The following SLC5A12 variants were observed in gnomAD, a reference collection of about 807,000 sequenced individuals.
SLC5A12 encodes solute carrier family 5 member 12.
Under a neutral mutation model 72.7 loss-of-function variants are expected in SLC5A12, and 46 were observed. That is an observed-to-expected ratio of 0.63 (90% CI 0.50 to 0.81). The LOEUF (loss-of-function observed/expected upper bound fraction) is 0.81. Ranked by LOEUF, SLC5A12 falls within the 30% of genes least tolerant of loss-of-function variation. The pLI, the probability that SLC5A12 is intolerant of heterozygous loss-of-function variation, is 0.00. For synonymous variants in SLC5A12, 275 were observed against 264.4 expected, an observed-to-expected ratio of 1.04 and a Z score of -0.39; for missense variants, 683 against 740.7, an observed-to-expected ratio of 0.92 and a Z score of 0.90.
chr11:26,698,056 C>A (rs550351088), intron 7 of SLC5A12, among the ~76,000 whole-genome samples: 1 of 152,096 alleles, frequency 6.6e-6, no homozygotes, highest in East Asian at 1.9e-4. Flanking sequence ...CGCCACCTTG[C>A]CTGGCTAATT....
intron 4 of SLC5A12, 117 bp from the exon 5 acceptor site, chr11:26,704,064 GAGGATCTTTT>G: frequency 1.8e-6 from 2 of 1,113,248 alleles, no homozygotes; most frequent in Admixed American, 2.1e-5. Flanking sequence ...ATCAGCCACT[GAGGATCTTTT>G]ATGTGCCAAG....
At chr11:26,673,172 C>A (rs1221811316) in intron 14 of SLC5A12, among the ~76,000 whole-genome samples, 1 of 152,162 alleles carries the variant, frequency 6.6e-6, no homozygotes, top group Non-Finnish European at 1.5e-5. Context: ...TGAAAACTGA[C>A]CACCTGCAAT....
intron 1 of SLC5A12, among the ~76,000 whole-genome samples, chr11:26,718,863 A>G (rs1197193426): frequency 6.6e-6 from 1 of 152,196 alleles, no homozygotes; most frequent in Non-Finnish European, 1.5e-5. Flanking sequence ...AAATAACCTT[A>G]TATCTACTTT....
chr11:26,689,768 C>T (rs936427701), intron 9 of SLC5A12, among the ~76,000 whole-genome samples: 1 of 151,986 alleles, frequency 6.6e-6, no homozygotes, highest in East Asian at 1.9e-4. Flanking sequence ...CCACAATTTG[C>T]TTTTAAATGT....
At chr11:26,679,938 G>A (rs1590709388) in intron 12 of SLC5A12, among the ~76,000 whole-genome samples, 1 of 151,964 alleles carries the variant, frequency 6.6e-6, no homozygotes, top group South Asian at 2.1e-4. Flanking sequence ...ATAGAAAAAT[G>A]GAGGAAATAA....
At chr11:26,690,155 T>C (rs1854631859) in intron 9 of SLC5A12, among the ~76,000 whole-genome samples, 1 of 152,146 alleles carries the variant, frequency 6.6e-6, no homozygotes, top group Admixed American at 6.6e-5. Context: ...TGCAATCCCA[T>C]GGGATGGGGA....
intron 10 of SLC5A12, among the ~76,000 whole-genome samples, chr11:26,684,625 GATACTC>G (rs1854487433): frequency 6.6e-6 from 1 of 152,020 alleles, no homozygotes; most frequent in Admixed American, 6.6e-5. Flanking sequence ...GTGGGCCCAG[GATACTC>G]ATCTGAACTA....
In SLC5A12 at chr11:26,692,485, C is replaced by G; in HGVS notation, c.1153+4G>C. On this transcript the variant is annotated splice_donor_region_variant and intron_variant, in intron 9 of 14. Transcript: ENST00000396005. ...GGAATAGAAAGTCCACCAGCTGTAC[C>G]TACATAAGCCTTTACTGATCCAGGT... is the stretch of plus-strand genomic sequence containing the variant. 6.3e-7 allele frequency: 1 copy of G among 1,590,912 alleles called. No individual in the cohort carries two copies. Among genetic ancestry groups the G allele is most frequent in the Non-Finnish European group, 8.6e-7 (1 of 1,158,870 alleles).
chr11:26,712,916 G>A (rs1163697205), intron 1 of SLC5A12, among the ~76,000 whole-genome samples: 1 of 152,106 alleles, frequency 6.6e-6, no homozygotes, highest in African/African-American at 2.4e-5. Flanking sequence ...TGTTTCTCAT[G>A]ATGATCAGAG....
At chr11:26,680,394 CATATAT>C (rs34989102) in intron 12 of SLC5A12, among the ~76,000 whole-genome samples, 2 of 76,110 alleles carry the variant, frequency 2.6e-5, no homozygotes, top group Non-Finnish European at 5.8e-5. Context: ...TATATATATT[CATATAT>C]ATATATATAT....
rs1373707750 is a variant in SLC5A12 at position 26,670,957 on chromosome 11, A to G, written c.*145T>C. The stretch of plus-strand genomic sequence containing the variant: ...GACAGTCATTTTGCATGTAGTTATA[A>G]ATAAGTAGAAATAGGCACCAGACAT... On this transcript the variant is annotated 3_prime_UTR_variant, in exon 15 of 15. Transcript: ENST00000396005. 4.6e-6 allele frequency: 3 copies of G among 651,812 alleles called. No homozygotes were observed. Among genetic ancestry groups the G allele is most frequent in the Non-Finnish European group, 7.2e-6 (3 of 416,678 alleles). The allele number at this position is 651,812 out of a possible 1,614,324, so 40.4% of individuals were successfully genotyped here. A position where few individuals can be genotyped will look rare whatever the true frequency, so the allele number is the denominator to read the frequency against.
rs10695732 is a variant in SLC5A12 at position 26,675,969 on chromosome 11, C to CTGTGTGTGTGTG, written c.1580-2452_1580-2441dup. ...TATCTGTGTGTGTGTGTGCATGTAT[C>CTGTGTGTGTGTG]TGTGTGTGTGTGTATGTACCTCTGT... On this transcript the variant is annotated intron_variant, in intron 13 of 14. Coordinates refer to ENST00000396005, the MANE Select transcript of SLC5A12 (RefSeq NM_178498.4). Among the ~76,000 whole-genome samples the CTGTGTGTGTGTG allele has an allele frequency of 7.6e-3, 1,145 of 150,710 alleles. 6 individuals carry two copies. Among genetic ancestry groups the CTGTGTGTGTGTG allele is most frequent in the African/African-American group, 0.015 (634 of 41,202 alleles).
intron 10 of SLC5A12, 130 bp from the exon 11 acceptor site, chr11:26,683,973 C>T (rs1322340068): frequency 6.2e-6 from 4 of 643,350 alleles, no homozygotes; most frequent in Non-Finnish European, 1.1e-5. Context: ...TAATTATGTG[C>T]TTTCTATAAG....
At chr11:26,671,366 A>C in intron 14 of SLC5A12, 115 bp from the exon 15 acceptor site, 12 of 773,896 alleles carry the variant, frequency 1.6e-5, no homozygotes, top group East Asian at 2.9e-5. Flanking sequence ...GTACAAAAGA[A>C]GCATAAACAA....
At chr11:26,714,965 A>G (rs972304417) in intron 1 of SLC5A12, among the ~76,000 whole-genome samples, 15 of 152,164 alleles carry the variant, frequency 9.9e-5, no homozygotes, top group Non-Finnish European at 4.4e-5. Flanking sequence ...TAAGGAAAAT[A>G]TTACAGAGGA....
At chr11:26,713,751 C>T (rs1172453531) in intron 1 of SLC5A12, among the ~76,000 whole-genome samples, 4 of 152,062 alleles carry the variant, frequency 2.6e-5, no homozygotes, top group African/African-American at 9.7e-5. Flanking sequence ...TGTCTTTAAA[C>T]AACAGAAATT....
At chr11:26,708,963 T>A (rs1855155837) in intron 4 of SLC5A12, 1 of 174,588 alleles carries the variant, frequency 5.7e-6, no homozygotes, top group South Asian at 1.7e-4. Context: ...GTGTAAAGTA[T>A]AAGTGCCATC....
intron 9 of SLC5A12, 129 bp downstream of exon 9, chr11:26,692,360 G>A: frequency 1.5e-6 from 1 of 659,308 alleles, no homozygotes; most frequent in Non-Finnish European, 2.7e-6. Flanking sequence ...ATCTATGTGT[G>A]GGATTCTTCA....
chr11:26,718,079 T>G (rs1939844851), intron 1 of SLC5A12, among the ~76,000 whole-genome samples: 1 of 152,306 alleles, frequency 6.6e-6, no homozygotes. Flanking sequence ...TCTTTCAGTC[T>G]TTAGTATTTA....
Sources: gnomAD v4.1 joint callset for allele counts (sites outside exome capture counted in the v4.1 genomes callset) on GRCh38, gnomAD v4.1.1 for gene constraint, MANE v1.5 for transcripts, NCBI Gene and HGNC (gene_info 2026-07-23, HGNC 2026-07-21) for gene names.